The following KDM4D variants were observed in gnomAD, a reference collection of about 807,000 sequenced individuals.
KDM4D encodes lysine demethylase 4D, also known as lysine-specific demethylase 4D.
For synonymous variants in KDM4D, 254 were observed against 249.1 expected (o/e 1.02, Z -0.19); for missense variants, 427 against 674.8 (o/e 0.63, Z 4.07).
At position 94,975,639 on chromosome 11, in the gene KDM4D, A is replaced by G. The variant is rs922496013; in HGVS notation, c.-444-15A>G. Reference sequence around the variant, plus strand: ...AATATTATTTTTATTATTATTGTCTATCTTCCTATATTAGAACATAAGTTC... The same window carrying G: ...AATATTATTTTTATTATTATTGTCTGTCTTCCTATATTAGAACATAAGTTC... On this transcript the variant is annotated splice_polypyrimidine_tract_variant and intron_variant, in intron 1 of 2. Transcript: ENST00000335080. 2.6e-5 allele frequency: 4 copies of G among 151,956 alleles called. No individual in the cohort carries two copies. Among genetic ancestry groups the G allele is most frequent in the Non-Finnish European group, 5.9e-5 (4 of 67,988 alleles). The allele number at this position is 151,956 out of a possible 1,614,324, so 9.4% of individuals were successfully genotyped here.
rs1022487891 is a variant in KDM4D, at chr11:94,990,793, T to C, written c.-349-6231T>C. Among the ~76,000 whole-genome samples the C allele has an allele frequency of 2.6e-4, 39 of 152,198 alleles. 1 individual carries two copies. Among genetic ancestry groups the C allele is most frequent in the Non-Finnish European group, 2.9e-5 (2 of 68,036 alleles). ...AGAACCCAAAAGGCTTAGGATGTCATGGCATTAGGTACCTCTGGGAGTGAC... is the reference window on the plus strand; with the variant it reads ...AGAACCCAAAAGGCTTAGGATGTCACGGCATTAGGTACCTCTGGGAGTGAC... On this transcript the variant is annotated intron_variant, in intron 2 of 2. Transcript: ENST00000335080.
chr11:94,986,435 T>A (rs112586688), intron 2 of KDM4D, among the ~76,000 whole-genome samples: 1,684 of 148,742 alleles, frequency 0.011, 42 homozygotes, highest in African/African-American at 0.039. Context: ...ACCAAAAATT[T>A]AAAAAAAAAA....
chr11:94,983,219 G>A (rs1400590480), intron 2 of KDM4D, among the ~76,000 whole-genome samples: 1 of 151,446 alleles, frequency 6.6e-6, no homozygotes, highest in Non-Finnish European at 1.5e-5. Context: ...TAGCATATGT[G>A]AGAAAAGGAT....
chr11:94,997,274 C>A lies in KDM4D; in HGVS notation c.-99C>A. On this transcript the variant is annotated 5_prime_UTR_variant, in exon 3 of 3. Transcript: ENST00000335080. ...AGTACGCTGGTAGATCCTGCTACCT[C>A]ATAGATAACACCAGTCAAATTTTTT... 1 of 884,158 alleles carries A rather than the reference C, an allele frequency of 1.1e-6. No individual in the cohort carries two copies. The highest frequency in any genetic ancestry group is 1.7e-6 in the Non-Finnish European group (1 of 596,670). The allele number at this position is 884,158 out of a possible 1,614,324, so 54.8% of individuals were successfully genotyped here.
chr11:94,998,820 C>T lies in KDM4D; in HGVS notation c.1448C>T (p.Ala483Val), dbSNP rs1858001673. 1.9e-6 allele frequency: 3 copies of T among 1,596,158 alleles called. No homozygotes were observed. Among genetic ancestry groups the T allele is most frequent in the Non-Finnish European group, 2.6e-6 (3 of 1,168,738 alleles). Residue 483 changes from alanine to valine, a missense_variant, in exon 3 of 3, where the codon GCT (alanine) becomes GTT (valine). Ala to Val is a moderately conservative substitution (Grantham distance 64). Coordinates refer to ENST00000335080, the MANE Select transcript of KDM4D (RefSeq NM_018039.3). This position sits in a 1 kb window ranked among gnomAD's most constrained non-coding sequence, Gnocchi z 6.7. ...RPLLAGTTCTASGPEPEPLPE... is the reference protein window; with the variant it reads ...RPLLAGTTCTVSGPEPEPLPE... ...CTCTTGGCGGGCACAACATGCACAGCTTCGGGCCCAGAACCTGAGCCCCTA... is the reference window on the plus strand; with the variant it reads ...CTCTTGGCGGGCACAACATGCACAGTTTCGGGCCCAGAACCTGAGCCCCTA...
intron 1 of KDM4D, among the ~76,000 whole-genome samples, chr11:94,975,092 T>G (rs1565416253): frequency 6.6e-6 from 1 of 152,226 alleles, no homozygotes; most frequent in Non-Finnish European, 1.5e-5. Context: ...AGTGGGCATT[T>G]CTGTTTTATA....
At chr11:94,987,824 C>CA (rs1167988774) in intron 2 of KDM4D, among the ~76,000 whole-genome samples, 1 of 150,864 alleles carries the variant, frequency 6.6e-6, no homozygotes, top group Non-Finnish European at 1.5e-5. Flanking sequence ...ATTCAGAGAA[C>CA]AAAAAAAATT....
At chr11:94,987,620 A>G (rs1269983270) in intron 2 of KDM4D, among the ~76,000 whole-genome samples, 2 of 152,232 alleles carry the variant, frequency 1.3e-5, no homozygotes, top group Non-Finnish European at 2.9e-5. Context: ...TGACTCAAAT[A>G]CAAGCCAAGA....
At chr11:94,983,997 A>G (rs1202815614) in intron 2 of KDM4D, among the ~76,000 whole-genome samples, 1 of 152,206 alleles carries the variant, frequency 6.6e-6, no homozygotes, top group Non-Finnish European at 1.5e-5. Context: ...GAGAACACAC[A>G]CAGCACTGAA....
intron 2 of KDM4D, among the ~76,000 whole-genome samples, chr11:94,977,130 T>C (rs377653739): frequency 4.6e-5 from 7 of 152,006 alleles, no homozygotes; most frequent in Non-Finnish European, 1.5e-5. Context: ...AAAAAGCAAT[T>C]TCAAATAGAC....
At chr11:94,996,737 A>G (rs1342472283) in intron 2 of KDM4D, among the ~76,000 whole-genome samples, 1 of 152,208 alleles carries the variant, frequency 6.6e-6, no homozygotes, top group Non-Finnish European at 1.5e-5. Context: ...ACAACCATAC[A>G]CATTTCCTAG....
chr11:94,979,550 G>GGAAAA (rs1857826959), intron 2 of KDM4D, among the ~76,000 whole-genome samples: 1 of 152,126 alleles, frequency 6.6e-6, no homozygotes, highest in Non-Finnish European at 1.5e-5. Context: ...ATTTCTAAAT[G>GGAAAA]ATAATAGTCT....
Position 94,998,757 on chromosome 11 carries a change from C to A in KDM4D, c.1385C>A (p.Ala462Asp). The A allele has an allele frequency of 6.2e-7, 1 of 1,612,710 alleles. No homozygotes were observed. The highest frequency in any genetic ancestry group is 8.5e-7 in the Non-Finnish European group (1 of 1,178,886). The change falls in exon 3 of 3, where the codon GCT becomes GAT. Residue 462 changes from alanine (A) to aspartate (D), a missense_variant. By Grantham distance (126) the Ala-to-Asp change is moderately radical. Coordinates refer to ENST00000335080, the MANE Select transcript of KDM4D (RefSeq NM_018039.3). This position sits in a 1 kb window ranked among gnomAD's most constrained non-coding sequence, Gnocchi z 6.7. Reference sequence around the variant, plus strand: ...GGTCGCCCTCCTCAGAAACTGAGAGCTCAGGAGCTGACCCTCCAGACTCCA... The same window carrying A: ...GGTCGCCCTCCTCAGAAACTGAGAGATCAGGAGCTGACCCTCCAGACTCCA... ...GRGRPPQKLR[A>D]QELTLQTPAK...
chr11:94,987,348 G>T (rs1433637273), intron 2 of KDM4D, among the ~76,000 whole-genome samples: 22 of 152,156 alleles, frequency 1.4e-4, no homozygotes, highest in Admixed American at 1.4e-3. Context: ...ACTACTTGAA[G>T]CAAATTTGAT....
chr11:94,983,983 G>C (rs1555097870), intron 2 of KDM4D, among the ~76,000 whole-genome samples: 4 of 151,944 alleles, frequency 2.6e-5, no homozygotes, highest in Non-Finnish European at 1.5e-5. Flanking sequence ...TCACATATAA[G>C]AAAGAGAACA....
At chr11:94,991,073 G>A (rs1365612492) in intron 2 of KDM4D, among the ~76,000 whole-genome samples, 2 of 152,346 alleles carry the variant, frequency 1.3e-5, no homozygotes, top group East Asian at 3.9e-4. Flanking sequence ...TTAGAAATGT[G>A]TAGCCTCTTT....
At chr11:94,974,766 C>T (rs1166497948) in intron 1 of KDM4D, among the ~76,000 whole-genome samples, 1 of 152,194 alleles carries the variant, frequency 6.6e-6, no homozygotes, top group Non-Finnish European at 1.5e-5. Context: ...ACTTTTAAAA[C>T]TCACCCGCAA....
rs367635339 is a variant in KDM4D, at chr11:94,974,081, CA to C, written c.-445+18del. On this transcript the variant is annotated intron_variant, in intron 1 of 2. Coordinates refer to ENST00000335080, the MANE Select transcript of KDM4D (RefSeq NM_018039.3). ...GATCTTTACAAAGGTACCATTCCTGCAAAAATATTAACACTTCAAAGCAAAG... is the reference window on the plus strand; with the variant it reads ...GATCTTTACAAAGGTACCATTCCTGCAAAATATTAACACTTCAAAGCAAAG... 6.6e-6 allele frequency: 1 copy of C among 152,172 alleles called. No homozygotes were observed. Among genetic ancestry groups the C allele is most frequent in the African/African-American group, 2.4e-5 (1 of 41,438 alleles). The allele number at this position is 152,172 out of a possible 1,614,324, so 9.4% of individuals were successfully genotyped here.
chr11:94,997,380 C>G lies in KDM4D; in HGVS notation c.8C>G (p.Thr3Ser). ...GAGTTTACTGCTTATTAAATGGAAACTATGAAGTCTAAGGCCAACTGTGCC... is the reference window on the plus strand; with the variant it reads ...GAGTTTACTGCTTATTAAATGGAAAGTATGAAGTCTAAGGCCAACTGTGCC... ME[T>S]MKSKANCAQN... Residue 3 changes from threonine (T) to serine (S), a missense_variant, in exon 3 of 3, where the codon ACT (threonine) becomes AGT (serine). Physicochemically the swap from Thr to Ser is moderately conservative, Grantham distance 58. Coordinates refer to ENST00000335080, the MANE Select transcript of KDM4D (RefSeq NM_018039.3). 6.3e-7 allele frequency: 1 copy of G among 1,596,686 alleles called. No homozygotes were observed. Among genetic ancestry groups the G allele is most frequent in the East Asian group, 2.2e-5 (1 of 44,764 alleles).
Sources: allele counts gnomAD v4.1 joint callset (sites outside exome capture counted in the v4.1 genomes callset), GRCh38; gene constraint gnomAD v4.1.1; non-coding constraint Gnocchi (gnomAD v3.1); transcripts MANE v1.5; gene names NCBI Gene and HGNC (gene_info 2026-07-23, HGNC 2026-07-21).